Variants in WT1 observed in about 807,000 individuals in gnomAD.
WT1 encodes WT1 transcription factor.
In WT1, 8 loss-of-function variants were observed where a neutral mutation model predicts 60.8. The ratio of observed to expected loss-of-function variants is 0.13; its 90% CI spans 0.08 to 0.24. WT1 has a LOEUF of 0.24. WT1 is among the 10% of genes least tolerant of loss of function. The pLI, the probability that WT1 is intolerant of heterozygous loss-of-function variation, is 1.00. For synonymous variants in WT1, 312 were observed against 297.1 expected, an observed-to-expected ratio of 1.05 and a Z score of -0.52; for missense variants, 568 against 711.8, an observed-to-expected ratio of 0.80 and a Z score of 2.30.
chr11:32,390,389 C>T (rs1055748944), intron 9 of WT1, among the ~76,000 whole-genome samples: 1 of 152,138 alleles, frequency 6.6e-6, no homozygotes, highest in Non-Finnish European at 1.5e-5. Context: ...GGGAGTGTGA[C>T]AGCCGTGTCA....
rs755936509 is a variant in WT1, at chr11:32,396,386, C to T, written c.1135G>A (p.Val379Ile). 3 of 1,614,124 alleles carry T rather than the reference C, an allele frequency of 1.9e-6. No individual in the cohort carries two copies. The highest frequency in any genetic ancestry group is 2.5e-6 in the Non-Finnish European group (3 of 1,180,034). The change falls in exon 7 of 10, where the codon GTA becomes ATA. Residue 379 changes from valine to isoleucine, a missense_variant. Around this residue, in one of 3 missense-constraint regions of WT1, gnomAD observed 523 missense variants for 565.1 expected, o/e 0.93. Coordinates refer to ENST00000452863, the MANE Select transcript of WT1 (RefSeq NM_024426.6). ...GCCGACCGTACAAGAGTCGGGGCTA[C>T]TCCAGGCACACGTCGCACATCCTGC...
chr11:32,388,916 G>A lies in WT1; in HGVS notation c.*142C>T. On this transcript the variant is annotated 3_prime_UTR_variant, in exon 10 of 10. Coordinates refer to ENST00000452863, the MANE Select transcript of WT1 (RefSeq NM_024426.6). ...CAGGCACACCTGGTAGTTTCCAGAA[G>A]CACCGGTATCTTGTCTTGGAAGTTG... 1 of 1,462,222 alleles carries A rather than the reference G, an allele frequency of 6.8e-7. No individual in the cohort carries two copies. Among genetic ancestry groups the A allele is most frequent in the Non-Finnish European group, 9.3e-7 (1 of 1,075,880 alleles). 90.6% of individuals were successfully genotyped at this position (1,462,222 alleles called of 1,614,324 possible).
At chr11:32,400,430 T>A in intron 5 of WT1, 1 of 362,770 alleles carries the variant, frequency 2.8e-6, no homozygotes, top group South Asian at 2.2e-5. Context: ...TCACGTTAAG[T>A]GCACTGAATT....
intron 3 of WT1, among the ~76,000 whole-genome samples, chr11:32,417,884 T>A (rs1041941837): frequency 2.6e-5 from 4 of 152,200 alleles, no homozygotes; most frequent in African/African-American, 9.6e-5. Flanking sequence ...AAGCATTTTT[T>A]AAAACCTTTG....
intron 7 of WT1, among the ~76,000 whole-genome samples, chr11:32,393,065 C>T (rs946472836): frequency 4.6e-5 from 7 of 151,806 alleles, no homozygotes; most frequent in African/African-American, 1.7e-4. Flanking sequence ...ATGACCTTCA[C>T]ATAAAGGGCT....
At chr11:32,394,518 G>C (rs570164109) in intron 7 of WT1, among the ~76,000 whole-genome samples, 1 of 152,214 alleles carries the variant, frequency 6.6e-6, no homozygotes, top group South Asian at 2.1e-4. Flanking sequence ...GGAACTCTTT[G>C]AGAAGGAGGA....
chr11:32,426,400 C>T (rs1337854195), intron 3 of WT1, among the ~76,000 whole-genome samples: 2 of 152,230 alleles, frequency 1.3e-5, no homozygotes, highest in Non-Finnish European at 2.9e-5. Context: ...AATGGCCCCG[C>T]TGCCAGTTTT....
At position 32,435,289 on chromosome 11, in the gene WT1, G is replaced by A; in HGVS notation, c.72C>T (p.Arg24=). 1 of 1,533,792 alleles carries A rather than the reference G, an allele frequency of 6.5e-7. No homozygotes were observed. The highest frequency in any genetic ancestry group is 8.7e-7 in the Non-Finnish European group (1 of 1,146,546). ...GCTGCTGTAGGCACCCAGGCCCGGA[G>A]CGGAGCGTGTGCTGAGACGCCGGCT... The change falls in exon 1 of 10, where the codon CGC becomes CGT. Residue 24 remains arginine (R), a synonymous_variant. Coordinates refer to ENST00000452863, the MANE Select transcript of WT1 (RefSeq NM_024426.6).
In WT1 at chr11:32,406,629, A is replaced by AT. The variant is rs1554941738; in HGVS notation, c.1017-6586_1017-6585insA. On this transcript the variant is annotated intron_variant, in intron 5 of 9. Transcript: ENST00000452863. ...TGAAGTTTACCCTCCACCAAAAAAA[A>AT]AATATATATATTTATTTCTATTGAA... Among the ~76,000 whole-genome samples, 156 of 88,740 alleles carry AT rather than the reference A, an allele frequency of 1.8e-3. 1 individual carries two copies. Among genetic ancestry groups the AT allele is most frequent in the East Asian group, 0.014 (14 of 1,008 alleles). The allele number at this position is 88,740 out of a possible 152,430, so 58.2% of individuals were successfully genotyped here. A position where few individuals can be genotyped will look rare whatever the true frequency, so the allele number is the denominator to read the frequency against.
Position 32,428,844 on chromosome 11 carries a change from A to G in WT1, c.662-225T>C, listed in dbSNP as rs1590396866. ...GCTTCTCCATCCTTTTCTGACTAAA[A>G]CCCCCACCTCGCTTTTTCCCAATTT... is the stretch of plus-strand genomic sequence containing the variant. On this transcript the variant is annotated intron_variant, in intron 1 of 9. Coordinates refer to ENST00000452863, the MANE Select transcript of WT1 (RefSeq NM_024426.6). 9.5e-6 allele frequency: 6 copies of G among 633,548 alleles called. No homozygotes were observed. The South Asian group carries it at 1.1e-4, about 12-fold the overall frequency. 39.2% of individuals were successfully genotyped at this position (633,548 alleles called of 1,614,324 possible).
At chr11:32,432,868 T>C (rs1053857085) in intron 1 of WT1, among the ~76,000 whole-genome samples, 3 of 152,280 alleles carry the variant, frequency 2.0e-5, no homozygotes, top group Non-Finnish European at 4.4e-5. Flanking sequence ...AAAAAGATAA[T>C]GGCGTAGTAG....
At chr11:32,399,112 C>T (rs950123101) in intron 6 of WT1, among the ~76,000 whole-genome samples, 9 of 147,026 alleles carry the variant, frequency 6.1e-5, no homozygotes, top group Non-Finnish European at 8.9e-5. Flanking sequence ...GCCAAGATAG[C>T]GCCACTGTAC....
At chr11:32,416,423 A>C in intron 5 of WT1, 67 bp downstream of exon 5, 1 of 1,604,880 alleles carries the variant, frequency 6.2e-7, no homozygotes, top group South Asian at 1.1e-5. Flanking sequence ...TAACTCCTGC[A>C]TTGCCCCAGG....
rs145352027 is a variant in WT1 at position 32,393,406 on chromosome 11, C to T, written c.1265-651G>A. On this transcript the variant is annotated intron_variant, in intron 7 of 9. Coordinates refer to ENST00000452863, the MANE Select transcript of WT1 (RefSeq NM_024426.6). ...CCTGTCTCAGAATGGAGAAGCCTCA[C>T]CCCTGTCCTCACTAGAGAAAGTTCA... Among the ~76,000 whole-genome samples, 109 of 152,334 alleles carry T rather than the reference C, an allele frequency of 7.2e-4. 1 individual carries two copies. The East Asian group carries it at 0.02, about 28-fold the overall frequency.
Position 32,401,640 on chromosome 11 carries a change from A to T in WT1, c.1017-1596T>A, listed in dbSNP as rs552026093. Reference sequence around the variant, plus strand: ...ACTGCAACCACCGCCCCTGGGTTCAAATGATTCTCCTGCCTCAGCCTCCGG... The same window carrying T: ...ACTGCAACCACCGCCCCTGGGTTCATATGATTCTCCTGCCTCAGCCTCCGG... On this transcript the variant is annotated intron_variant, in intron 5 of 9. Coordinates refer to ENST00000452863, the MANE Select transcript of WT1 (RefSeq NM_024426.6). Among the ~76,000 whole-genome samples, 6 of 152,098 alleles carry T rather than the reference A, an allele frequency of 3.9e-5. No individual in the cohort carries two copies. The East Asian group carries it at 1.2e-3, about 29-fold the overall frequency.
At chr11:32,392,189 C>T (rs1851838242) in intron 8 of WT1, 125 bp from the exon 9 acceptor site, 2 of 856,176 alleles carry the variant, frequency 2.3e-6, no homozygotes, top group African/African-American at 3.3e-5. Context: ...TCTGCATCTG[C>T]CTCACCCTTA....
chr11:32,406,250 T>G (rs1056679883), intron 5 of WT1, among the ~76,000 whole-genome samples: 4 of 152,048 alleles, frequency 2.6e-5, no homozygotes, highest in African/African-American at 9.7e-5. Flanking sequence ...GGGGTGGTTT[T>G]GGGATGAAAT....
At chr11:32,392,781 G>C in intron 7 of WT1, 26 bp from the exon 8 acceptor site, 1 of 1,607,688 alleles carries the variant, frequency 6.2e-7, no homozygotes, top group African/African-American at 1.3e-5. Context: ...TATTCTATTT[G>C]AAAATGATAC....
chr11:32,401,534 A>G (rs1034757339), intron 5 of WT1, among the ~76,000 whole-genome samples: 18 of 151,666 alleles, frequency 1.2e-4, no homozygotes, highest in Admixed American at 3.3e-4. Context: ...AGAAGGATGC[A>G]TCAGTATATT....
Sources: gnomAD v4.1 joint callset for allele counts (sites outside exome capture counted in the v4.1 genomes callset) on GRCh38, gnomAD v4.1.1 for gene constraint, gnomAD v4.1.1 regional missense constraint, MANE v1.5 for transcripts, NCBI Gene and HGNC (gene_info 2026-07-23, HGNC 2026-07-21) for gene names.